CLCNKA: variants seen among roughly 807,000 people sequenced by gnomAD.
CLCNKA encodes chloride channel protein ClC-Ka.
A neutral mutation model predicts 83.3 loss-of-function variants in CLCNKA; 66 were observed. That is an observed-to-expected ratio of 0.79 (90% confidence interval 0.65 to 0.97). The LOEUF (loss-of-function observed/expected upper bound fraction) is 0.97. Ranked by LOEUF, CLCNKA falls within the 50% of genes least tolerant of loss-of-function variation. The pLI is 0.00. For missense variants in CLCNKA, 806 were observed against 888.7 expected, an observed-to-expected ratio of 0.91 and a Z score of 1.18; for synonymous variants, 357 against 370.4, an observed-to-expected ratio of 0.96 and a Z score of 0.42.
intron 10 of CLCNKA, 37 bp from the exon 11 acceptor site, chr1:16,028,724 G>A: frequency 6.2e-7 from 1 of 1,611,828 alleles, no homozygotes; most frequent in East Asian, 2.2e-5. Context: ...ATGTAGGAAA[G>A]GGAGGGCCAG....
At chr1:16,024,974 G>A (rs565844039) in intron 4 of CLCNKA, 83 bp downstream of exon 4, 33 of 1,567,116 alleles carry the variant, frequency 2.1e-5, no homozygotes, top group Non-Finnish European at 2.8e-5. Context: ...GAATCGGGAA[G>A]CTGCAGCCTC....
chr1:16,032,012 T>C (rs1365650371), intron 16 of CLCNKA, among the ~76,000 whole-genome samples, 169 bp downstream of exon 16: 4 of 152,068 alleles, frequency 2.6e-5, no homozygotes, highest in African/African-American at 4.8e-5. Context: ...ATCAGCAAAA[T>C]GGAAATCATG....
Position 16,023,820 on chromosome 1 carries a change from C to A in CLCNKA, c.121C>A (p.Gln41Lys), listed in dbSNP as rs141758489. Residue 41 changes from glutamine (Q) to lysine (K), a missense_variant, in exon 3 of 20, where the codon CAG becomes AAG. Gln to Lys is a moderately conservative substitution (Grantham distance 53). Transcript: ENST00000331433. ...CCCAGGTGGCCTGGAGTGGCTAAAG[C>A]AGAAGGTGTTCCGCCTGGGAGAAGA... Reference protein sequence around the residue: ...AIQGGLEWLKQKVFRLGEDWY... With the variant: ...AIQGGLEWLKKKVFRLGEDWY... 3.7e-4 allele frequency: 600 copies of A among 1,614,042 alleles called. 4 individuals are homozygous for A. Among genetic ancestry groups the A allele is most frequent in the Admixed American group, 8.0e-4 (48 of 60,002 alleles).
intron 11 of CLCNKA, 52 bp from the exon 12 acceptor site, chr1:16,029,074 T>C: frequency 3.8e-6 from 6 of 1,584,772 alleles, no homozygotes; most frequent in Non-Finnish European, 5.1e-6. Context: ...GAGGCTGGGG[T>C]CTGCCGCTGG....
At position 16,026,703 on chromosome 1, in the gene CLCNKA, A is replaced by G. The variant is rs1337183839; in HGVS notation, c.583A>G (p.Ser195Gly). ...TTTIGEPENK[S>G]KQNEMLVAAA... ...CTGGACTCGGATCCCCCAGAACAAG[A>G]GCAAGCAAAACGAAATGCTGGTGGC... The change falls in exon 7 of 20, where the codon AGC (serine) becomes GGC (glycine). Residue 195 changes from serine (S) to glycine (G), a missense_variant. Transcript: ENST00000331433. 5 of 1,613,644 alleles carry G rather than the reference A, an allele frequency of 3.1e-6. No individual in the cohort carries two copies. Among genetic ancestry groups the G allele is most frequent in the Non-Finnish European group, 4.2e-6 (5 of 1,179,864 alleles).
Position 16,027,335 on chromosome 1 carries a change from G to A in CLCNKA, c.681G>A (p.Met227Ile), listed in dbSNP as rs1557451150. Residue 227 changes from methionine to isoleucine, a missense_variant, in exon 8 of 20, where the codon ATG becomes ATA. Met to Ile is a conservative substitution (Grantham distance 10). Transcript: ENST00000331433. ...GCGTCCTGTTCAGCATCGAGGTCAT[G>A]TCTTCCCACTTCTCTGTCCGGGATT... The part of the protein sequence containing the change: ...FSGVLFSIEV[M>I]SSHFSVRDYW... The A allele has an allele frequency of 6.2e-7, 1 of 1,613,506 alleles. No homozygotes were observed. The highest frequency in any genetic ancestry group is 8.5e-7 in the Non-Finnish European group (1 of 1,179,996).
Position 16,024,887 on chromosome 1 carries a change from T to C in CLCNKA, c.354T>C (p.Ser118=), listed in dbSNP as rs1312594486. 1 of 1,614,078 alleles carries C rather than the reference T, an allele frequency of 6.2e-7. No individual in the cohort carries two copies. The change falls in exon 4 of 20, where the codon TCT becomes TCC. Residue 118 remains serine (S), a synonymous_variant. Transcript: ENST00000331433. Reference sequence around the variant, plus strand: ...TCTCCCAGAGCATCACGCCCTCCTCTGGAGGTGAGTCCACGGTCGCCATGC... The same window carrying C: ...TCTCCCAGAGCATCACGCCCTCCTCCGGAGGTGAGTCCACGGTCGCCATGC... The part of the protein sequence containing the change: ...SGFSQSITPS[S]GGSGIPELKT...
chr1:16,025,461 T>C (rs1157261140), intron 4 of CLCNKA, among the ~76,000 whole-genome samples: 2 of 152,108 alleles, frequency 1.3e-5, no homozygotes, highest in African/African-American at 2.4e-5. Context: ...ATCCCAGGTG[T>C]TCAAGAGCAG....
In CLCNKA at chr1:16,026,601, C is replaced by G; in HGVS notation, c.564C>G (p.Ile188Met). The change falls in exon 6 of 20, where the codon ATC becomes ATG. Residue 188 changes from isoleucine (I) to methionine (M), a missense_variant. Coordinates refer to ENST00000331433, the MANE Select transcript of CLCNKA (RefSeq NM_004070.4). ...TGGGCCGTGTGCGCACCACGACCAT[C>G]GGGGAGCCTGAGGTTAGGGACTCGG... ...AYLGRVRTTTIGEPENKSKQN... is the reference protein window; with the variant it reads ...AYLGRVRTTTMGEPENKSKQN... 6.2e-7 allele frequency: 1 copy of G among 1,613,966 alleles called. No individual in the cohort carries two copies. Among genetic ancestry groups the G allele is most frequent in the Non-Finnish European group, 8.5e-7 (1 of 1,180,004 alleles).
At chr1:16,025,628 A>G (rs552580212) in intron 4 of CLCNKA, among the ~76,000 whole-genome samples, 8 of 152,286 alleles carry the variant, frequency 5.3e-5, no homozygotes, top group East Asian at 3.9e-4. Flanking sequence ...TCGGGGTTAT[A>G]ATGAGCCGAG....
chr1:16,025,904 G>A (rs1187378251), intron 4 of CLCNKA, among the ~76,000 whole-genome samples: 10 of 152,048 alleles, frequency 6.6e-5, no homozygotes, highest in Non-Finnish European at 1.3e-4. Context: ...GCAGGCACCC[G>A]CCACCATGCC....
chr1:16,028,015 C>T lies in CLCNKA; in HGVS notation c.867-3C>T. 1 of 1,613,962 alleles carries T rather than the reference C, an allele frequency of 6.2e-7. No homozygotes were observed. Among genetic ancestry groups the T allele is most frequent in the Non-Finnish European group, 8.5e-7 (1 of 1,179,932 alleles). The stretch of plus-strand genomic sequence containing the variant: ...TCTGGTCTTACCTCCCTTCACCCCG[C>T]AGTGGCATCTGCGGCGTCCTGAGCT... On this transcript the variant is annotated splice_polypyrimidine_tract_variant and splice_region_variant and intron_variant, in intron 9 of 19. Transcript: ENST00000331433.
intron 19 of CLCNKA, 102 bp downstream of exon 19, chr1:16,033,358 G>C: frequency 7.5e-7 from 1 of 1,329,084 alleles, no homozygotes; most frequent in African/African-American, 1.4e-5. Flanking sequence ...ATCCAAACCT[G>C]GGGGGATTCA....
rs541770891 is a variant in CLCNKA, at chr1:16,033,211, C to T, written c.1971C>T (p.Phe657=). ...LFKLLNLQSL[F]VTSRGRAVGC... Reference sequence around the variant, plus strand: ...AGCTGTTGAACCTTCAGTCCCTCTTCGTGACATCGCGGGGCAGAGCTGTGG... The same window carrying T: ...AGCTGTTGAACCTTCAGTCCCTCTTTGTGACATCGCGGGGCAGAGCTGTGG... Residue 657 remains phenylalanine, a synonymous_variant, in exon 19 of 20, where the codon TTC becomes TTT. Transcript: ENST00000331433. 2.9e-5 allele frequency: 47 copies of T among 1,614,156 alleles called. No individual in the cohort carries two copies. Among genetic ancestry groups the T allele is most frequent in the East Asian group, 8.9e-5 (4 of 44,888 alleles).
intron 15 of CLCNKA, 114 bp downstream of exon 15, chr1:16,030,788 G>A: frequency 1.5e-6 from 2 of 1,373,198 alleles, no homozygotes; most frequent in Middle Eastern, 2.3e-4. Context: ...CGACATGGGG[G>A]CTGGGAGGGG....
At chr1:16,022,546 G>A in intron 1 of CLCNKA, 67 bp from the exon 2 acceptor site, 1 of 1,178,718 alleles carries the variant, frequency 8.5e-7, no homozygotes, top group Non-Finnish European at 1.2e-6. Context: ...AGCACTGGAA[G>A]GGCCCAGAGG....
At chr1:16,027,987 G>T in intron 9 of CLCNKA, 31 bp from the exon 10 acceptor site, 2 of 1,613,980 alleles carry the variant, frequency 1.2e-6, no homozygotes, top group Non-Finnish European at 1.7e-6. Context: ...ACTGGGGTCA[G>T]GCTCTGGTCT....
chr1:16,025,966 G>A (rs1027277180), intron 4 of CLCNKA, 142 bp from the exon 5 acceptor site: 39 of 1,068,066 alleles, frequency 3.7e-5, no homozygotes, highest in Non-Finnish European at 5.2e-5. Context: ...ATGTTGGCAA[G>A]GCTGGTCTCG....
intron 7 of CLCNKA, 61 bp downstream of exon 7, chr1:16,026,836 G>A: frequency 6.3e-7 from 1 of 1,597,334 alleles, no homozygotes; most frequent in Non-Finnish European, 8.6e-7. Flanking sequence ...CACACCCTGG[G>A]CTCCCTCGGC....
Sources: allele counts gnomAD v4.1 joint callset (sites outside exome capture counted in the v4.1 genomes callset), GRCh38; gene constraint gnomAD v4.1.1; transcripts MANE v1.5; gene names NCBI Gene and HGNC (gene_info 2026-07-23, HGNC 2026-07-21).